PLCG2: variants seen among roughly 807,000 people sequenced by gnomAD.
PLCG2 encodes the protein phospholipase C gamma 2.
PLCG2 carries 69 observed loss-of-function variants against 175.6 expected under a neutral mutation model. The ratio of observed to expected loss-of-function variants is 0.39; its 90% CI spans 0.32 to 0.48. The LOEUF (loss-of-function observed/expected upper bound fraction) is 0.48. Among genes scored for constraint, PLCG2 ranks in the 20% least tolerant of loss-of-function variants. The pLI is 0.91. For synonymous variants in PLCG2, 827 were observed against 624.0 expected (o/e 1.33, Z -4.85); for missense variants, 1,798 against 1,650.9 (o/e 1.09, Z -1.54).
At chr16:81,957,860 G>A (rs780286492) in intron 32 of PLCG2, 96 bp from the exon 33 acceptor site, 4 of 1,097,032 alleles carry the variant, frequency 3.6e-6, no homozygotes, top group Non-Finnish European at 4.2e-6. Context: ...AGCTATGAAT[G>A]ACTGGCAAAT....
In PLCG2 at chr16:81,908,485, G is replaced by A; in HGVS notation, c.1627G>A (p.Ala543Thr). 1 of 1,614,180 alleles carries A rather than the reference G, an allele frequency of 6.2e-7. No individual in the cohort carries two copies. The highest frequency in any genetic ancestry group is 8.5e-7 in the Non-Finnish European group (1 of 1,180,016). ...CAAGAAGGTGGAGAAGAGGACGAGT[G>A]CCGAGAAGTTGCTGCAGGAATACTG... ...FHKKVEKRTS[A>T]EKLLQEYCME... The change falls in exon 17 of 33, where the codon GCC becomes ACC. Residue 543 changes from alanine (A) to threonine (T), a missense_variant. Coordinates refer to ENST00000564138, the MANE Select transcript of PLCG2 (RefSeq NM_002661.5).
At chr16:81,844,436 C>G (rs1906005811) in intron 2 of PLCG2, among the ~76,000 whole-genome samples, 1 of 152,316 alleles carries the variant, frequency 6.6e-6, no homozygotes, top group Non-Finnish European at 1.5e-5. Flanking sequence ...ATTCTCCTGC[C>G]TCAGACTTCC....
intron 1 of PLCG2, chr16:81,739,464 C>A (rs781221466): frequency 1.3e-5 from 2 of 152,178 alleles, no homozygotes; most frequent in African/African-American, 2.4e-5. Flanking sequence ...CTGGTACATT[C>A]TCTGGGAGCC....
At chr16:81,781,285 C>G (rs1316378046) in intron 1 of PLCG2, among the ~76,000 whole-genome samples, 1 of 152,188 alleles carries the variant, frequency 6.6e-6, no homozygotes, top group Non-Finnish European at 1.5e-5. Flanking sequence ...ATTGACCTCA[C>G]AAATCTTTCC....
intron 1 of PLCG2, among the ~76,000 whole-genome samples, chr16:81,753,366 T>TC (rs1909853213): frequency 8.6e-6 from 1 of 115,796 alleles, no homozygotes; most frequent in African/African-American, 2.9e-5. Context: ...TTTTTTTTTT[T>TC]GTATTCTGGT....
At chr16:81,830,552 T>C (rs1033328872) in intron 2 of PLCG2, among the ~76,000 whole-genome samples, 28 of 151,920 alleles carry the variant, frequency 1.8e-4, no homozygotes, top group African/African-American at 6.8e-4. Flanking sequence ...AAGTGATCCA[T>C]AGGCCTCAGC....
intron 1 of PLCG2, among the ~76,000 whole-genome samples, chr16:81,742,607 G>C (rs1209499406): frequency 6.6e-6 from 1 of 152,232 alleles, no homozygotes; most frequent in African/African-American, 2.4e-5. Flanking sequence ...AGTATGTGCT[G>C]GGAACTGGGG....
intron 22 of PLCG2, 24 bp from the exon 23 acceptor site, chr16:81,927,058 C>G: frequency 6.6e-7 from 1 of 1,514,498 alleles, no homozygotes; most frequent in Non-Finnish European, 9.2e-7. Flanking sequence ...TGACAGCGCC[C>G]CCATGTCCTC....
At chr16:81,811,988 A>G (rs1904338970) in intron 2 of PLCG2, among the ~76,000 whole-genome samples, 1 of 150,404 alleles carries the variant, frequency 6.6e-6, no homozygotes, top group Non-Finnish European at 1.5e-5. Flanking sequence ...TCCTACCAAC[A>G]GTGTAAAAGC....
At chr16:81,836,567 G>A (rs1297808312) in intron 2 of PLCG2, among the ~76,000 whole-genome samples, 3 of 152,028 alleles carry the variant, frequency 2.0e-5, no homozygotes, top group African/African-American at 4.8e-5. Context: ...ATGGTGAAAC[G>A]CCATCTCCAA....
chr16:81,862,960 C>G (rs551138927), intron 5 of PLCG2, among the ~76,000 whole-genome samples: 1 of 152,210 alleles, frequency 6.6e-6, no homozygotes, highest in East Asian at 1.9e-4. Context: ...CAGAAATCTT[C>G]CCTTCCCCAC....
At chr16:81,889,553 T>A (rs1451279988) in intron 10 of PLCG2, among the ~76,000 whole-genome samples, 2 of 152,030 alleles carry the variant, frequency 1.3e-5, no homozygotes, top group African/African-American at 4.8e-5. Flanking sequence ...AGAGCTTAAC[T>A]CACTTAGAGC....
intron 2 of PLCG2, among the ~76,000 whole-genome samples, chr16:81,771,843 G>T (rs1910288050): frequency 6.6e-6 from 1 of 152,108 alleles, no homozygotes; most frequent in Admixed American, 6.6e-5. Context: ...GAGTGCCAGG[G>T]CAGGATCTCC....
At chr16:81,937,009 C>T (rs1282389348) in intron 27 of PLCG2, among the ~76,000 whole-genome samples, 13 of 152,172 alleles carry the variant, frequency 8.5e-5, no homozygotes, top group Admixed American at 7.9e-4. Flanking sequence ...CTGACGTGAG[C>T]GCCATTCCAC....
intron 2 of PLCG2, among the ~76,000 whole-genome samples, chr16:81,786,545 C>T (rs1910980953): frequency 6.6e-6 from 1 of 152,212 alleles, no homozygotes; most frequent in African/African-American, 2.4e-5. Flanking sequence ...TAGCCCAAGC[C>T]TGCAGAAACT....
chr16:81,758,747 A>G (rs565483318), intron 2 of PLCG2, among the ~76,000 whole-genome samples: 53 of 150,766 alleles, frequency 3.5e-4, no homozygotes, highest in African/African-American at 1.2e-3. Context: ...GCACAATCTC[A>G]GCTCACTGCA....
rs776742031 is a variant in PLCG2, at chr16:81,910,633, A to G, written c.1847A>G (p.His616Arg). 2.5e-6 allele frequency: 4 copies of G among 1,614,070 alleles called. No individual in the cohort carries two copies. The highest frequency in any genetic ancestry group is 3.4e-6 in the Non-Finnish European group (4 of 1,179,998). The change falls in exon 18 of 33, where the codon CAC (histidine) becomes CGC (arginine). Residue 616 changes from histidine (H) to arginine (R), a missense_variant. Coordinates refer to ENST00000564138, the MANE Select transcript of PLCG2 (RefSeq NM_002661.5). ...AGCAGCATCTATGCCCTCATCCAGC[A>G]CTACCGCGAGACGCACCTGCGCTGC... Reference protein sequence around the residue: ...TFSSIYALIQHYRETHLRCAE... With the variant: ...TFSSIYALIQRYRETHLRCAE...
At chr16:81,749,024 G>C (rs1450383206) in intron 1 of PLCG2, among the ~76,000 whole-genome samples, 3 of 152,186 alleles carry the variant, frequency 2.0e-5, no homozygotes, top group Non-Finnish European at 2.9e-5. Context: ...ATGTGGGTGA[G>C]GTTTACTTCC....
chr16:81,743,741 G>C (rs1355794743), intron 1 of PLCG2, among the ~76,000 whole-genome samples: 1 of 152,220 alleles, frequency 6.6e-6, no homozygotes, highest in African/African-American at 2.4e-5. Context: ...TCCCAAGGGA[G>C]GGAGAGTGGC....
Sources: allele counts gnomAD v4.1 joint callset (sites outside exome capture counted in the v4.1 genomes callset), GRCh38; gene constraint gnomAD v4.1.1; transcripts MANE v1.5; gene names NCBI Gene and HGNC (gene_info 2026-07-23, HGNC 2026-07-21).